The following TPO variants were observed in gnomAD, a reference collection of about 807,000 sequenced individuals.
The protein encoded by TPO is thyroid peroxidase, also known as thyroid microsomal antigen.
TPO carries 78 observed loss-of-function variants against 96.9 expected under a neutral mutation model. The ratio of observed to expected loss-of-function variants is 0.81; its 90% CI spans 0.67 to 0.97. TPO has a LOEUF of 0.97. Among genes scored for constraint, TPO ranks in the 50% least tolerant of loss-of-function variants. The pLI is 0.00. For synonymous variants in TPO, 547 were observed against 538.0 expected (o/e 1.02, Z -0.23); for missense variants, 1,252 against 1,274.8 (o/e 0.98, Z 0.27).
At position 1,470,926 on chromosome 2, in the gene TPO, G is replaced by A. The variant is rs145817012; in HGVS notation, c.820-6160G>A. Among the ~76,000 whole-genome samples, 196 of 152,280 alleles carry A rather than the reference G, an allele frequency of 1.3e-3. 4 individuals carry two copies. The East Asian group carries it at 0.029, about 22-fold the overall frequency. On this transcript the variant is annotated intron_variant, in intron 7 of 16. Transcript: ENST00000329066. ...TGAGCTACACTGGTAGATTTCCAACGCAGTGCCATATTTACATGGCCTGCA... is the reference window on the plus strand; with the variant it reads ...TGAGCTACACTGGTAGATTTCCAACACAGTGCCATATTTACATGGCCTGCA...
rs1558436362 is a variant in TPO, at chr2:1,535,638, T to TGTGTGCAACCTCCTCAAATCCTCCC, written c.2619-4956_2619-4955insGTGTGCAACCTCCTCAAATCCTCCC. On this transcript the variant is annotated intron_variant, in intron 15 of 16. Coordinates refer to ENST00000329066, the MANE Select transcript of TPO (RefSeq NM_001206744.2). ...GTGTACAACCTCCTCAAATCCTCCC[T>TGTGTGCAACCTCCTCAAATCCTCCC]CGCTGTGTGCAACCTCCTCAAATCC... Among the ~76,000 whole-genome samples, 7 of 794 alleles carry TGTGTGCAACCTCCTCAAATCCTCCC rather than the reference T, an allele frequency of 8.8e-3. 2 individuals carry two copies. Among genetic ancestry groups the TGTGTGCAACCTCCTCAAATCCTCCC allele is most frequent in the Non-Finnish European group, 0.03 (4 of 134 alleles). The allele number at this position is 794 out of a possible 152,430, so 0.5% of individuals were successfully genotyped here. A position where few individuals can be genotyped will look rare whatever the true frequency, so the allele number is the denominator to read the frequency against.
At chr2:1,394,863 C>T (rs953750083) in intron 1 of TPO, among the ~76,000 whole-genome samples, 3 of 152,042 alleles carry the variant, frequency 2.0e-5, no homozygotes, top group East Asian at 1.9e-4. Context: ...TGTTGAGATG[C>T]GGTTAGATTT....
chr2:1,439,018 A>C lies in TPO; in HGVS notation c.482+2634A>C, dbSNP rs890424867. On this transcript the variant is annotated intron_variant, in intron 5 of 16. Coordinates refer to ENST00000329066, the MANE Select transcript of TPO (RefSeq NM_001206744.2). The stretch of plus-strand genomic sequence containing the variant: ...TCTTTGGTTTGATGCTTCCTGATTC[A>C]TAAATCATGATCACTCAAAAAAAAC... The C allele has an allele frequency of 5.2e-6, 3 of 575,886 alleles. No homozygotes were observed. The African/African-American group carries it at 5.6e-5, about 11-fold the overall frequency. 35.7% of individuals were successfully genotyped at this position (575,886 alleles called of 1,614,324 possible).
At chr2:1,378,282 G>A (rs1449535166) in intron 1 of TPO, among the ~76,000 whole-genome samples, 1 of 152,188 alleles carries the variant, frequency 6.6e-6, no homozygotes, top group East Asian at 1.9e-4. Flanking sequence ...GGAGAGCGGG[G>A]CCAGCTAACT....
At chr2:1,511,643 C>G (rs570217922) in intron 14 of TPO, among the ~76,000 whole-genome samples, 1 of 152,210 alleles carries the variant, frequency 6.6e-6, no homozygotes, top group Non-Finnish European at 1.5e-5. Context: ...GCTGCAGATA[C>G]CACCTTCTCC....
At chr2:1,469,386 C>G (rs1669180039) in intron 7 of TPO, among the ~76,000 whole-genome samples, 1 of 152,164 alleles carries the variant, frequency 6.6e-6, no homozygotes, top group Admixed American at 6.5e-5. Context: ...GATTCTTTCG[C>G]CCCAGGGGGT....
intron 15 of TPO, 148 bp downstream of exon 15, chr2:1,517,130 A>G: frequency 1.3e-6 from 1 of 792,924 alleles, no homozygotes; most frequent in Non-Finnish European, 2.1e-6. Context: ...ATTTTGTACA[A>G]CGTAATAGAC....
intron 5 of TPO, among the ~76,000 whole-genome samples, chr2:1,437,591 T>C (rs1388550673): frequency 2.0e-5 from 3 of 152,222 alleles, no homozygotes; most frequent in Non-Finnish European, 1.5e-5. Context: ...ACAACAGCTT[T>C]GCAACTGGAC....
chr2:1,508,494 G>A (rs372915899), intron 14 of TPO, among the ~76,000 whole-genome samples: 2 of 151,920 alleles, frequency 1.3e-5, no homozygotes, highest in Non-Finnish European at 2.9e-5. Context: ...GGTAGAATTC[G>A]GCTGTGAATC....
chr2:1,427,518 C>G (rs1375777203), intron 3 of TPO, among the ~76,000 whole-genome samples: 2 of 152,164 alleles, frequency 1.3e-5, no homozygotes, highest in African/African-American at 4.8e-5. Flanking sequence ...GCAGGCACCC[C>G]TCGGACAGGG....
chr2:1,418,324 G>C (rs1250349226), intron 2 of TPO, among the ~76,000 whole-genome samples: 1 of 151,062 alleles, frequency 6.6e-6, no homozygotes, highest in Non-Finnish European at 1.5e-5. Flanking sequence ...AAAAAGAAAA[G>C]CATCAGTCCT....
intron 15 of TPO, among the ~76,000 whole-genome samples, chr2:1,529,190 C>CCCCCCCACTGTGTGCAACCGTGCTAAAT (rs1677387405): frequency 1.8e-5 from 1 of 55,064 alleles, no homozygotes; most frequent in African/African-American, 9.2e-5. Context: ...CTCTCCAAAT[C>CCCCCCCACTGTGTGCAACCGTGCTAAAT]CCCCCCACTC....
chr2:1,422,606 C>T (rs925885388), intron 2 of TPO, among the ~76,000 whole-genome samples: 2 of 152,162 alleles, frequency 1.3e-5, no homozygotes, highest in African/African-American at 4.8e-5. Context: ...TAACCTCTTA[C>T]ACATTCCAGG....
intron 1 of TPO, among the ~76,000 whole-genome samples, chr2:1,403,657 G>T (rs1024825758): frequency 1.3e-5 from 2 of 152,176 alleles, no homozygotes; most frequent in East Asian, 3.9e-4. Context: ...ACTTCAGGAC[G>T]CTTCTCTGTC....
rs1667531765 is a variant in TPO at position 1,453,760 on chromosome 2, C to CGGCTT, written c.550_554dup (p.Phe185LeufsTer26). Reference sequence around the variant, plus strand: ...GATGGCTCCCTCCAGTCTATGAGGACGGCTTCAGTCAGCCCCGAGGCTGGA... The same window carrying CGGCTT: ...GATGGCTCCCTCCAGTCTATGAGGACGGCTTGGCTTCAGTCAGCCCCGAGGCTGGA... On this transcript the variant is annotated frameshift_variant, in exon 6 of 17. Coordinates refer to ENST00000329066, the MANE Select transcript of TPO (RefSeq NM_001206744.2). LOFTEE classifies it high-confidence loss of function. 1 of 1,613,824 alleles carries CGGCTT rather than the reference C, an allele frequency of 6.2e-7. No homozygotes were observed. Among genetic ancestry groups the CGGCTT allele is most frequent in the African/African-American group, 1.3e-5 (1 of 74,936 alleles).
intron 5 of TPO, among the ~76,000 whole-genome samples, chr2:1,450,391 A>G (rs528754130): frequency 6.6e-6 from 1 of 152,334 alleles, no homozygotes; most frequent in East Asian, 1.9e-4. Flanking sequence ...CTAGGGTCCC[A>G]GGGAAATCAG....
Position 1,520,299 on chromosome 2 carries a change from G to T in TPO, c.2618+3317G>T, listed in dbSNP as rs532232667. Among the ~76,000 whole-genome samples, 12 of 152,274 alleles carry T rather than the reference G, an allele frequency of 7.9e-5. No individual in the cohort carries two copies. In the East Asian group the frequency reaches 2.3e-3, roughly 29 times the overall value. On this transcript the variant is annotated intron_variant, in intron 15 of 16. Transcript: ENST00000329066. ...TCGCCTCCCTGTGTCTTATTCTTCA[G>T]CTTTTAAAAACATGATCTTATTTCC...
chr2:1,501,891 C>T (rs945865379), intron 13 of TPO, among the ~76,000 whole-genome samples: 3 of 152,054 alleles, frequency 2.0e-5, no homozygotes, highest in Non-Finnish European at 4.4e-5. Context: ...TTGCTTGGAG[C>T]CATCCACTTT....
chr2:1,470,630 T>C (rs998374345), intron 7 of TPO, among the ~76,000 whole-genome samples: 5 of 152,006 alleles, frequency 3.3e-5, no homozygotes, highest in Non-Finnish European at 7.4e-5. Context: ...TTTGTGTAGA[T>C]AAAATACTGC....
Sources: allele counts gnomAD v4.1 joint callset (sites outside exome capture counted in the v4.1 genomes callset), GRCh38; gene constraint gnomAD v4.1.1; transcripts MANE v1.5; gene names NCBI Gene and HGNC (gene_info 2026-07-23, HGNC 2026-07-21).